Variants in PCTP observed in about 807,000 individuals in gnomAD.
The protein encoded by PCTP is phosphatidylcholine transfer protein.
A neutral mutation model predicts 31.0 loss-of-function variants in PCTP; 27 were observed. That is an observed-to-expected ratio of 0.87 (90% CI 0.64 to 1.20). PCTP has a LOEUF of 1.20. Ranked by LOEUF, PCTP falls within the 50% of genes most tolerant of loss-of-function variation. PCTP has a pLI of 0.00. For missense variants in PCTP, 287 were observed against 268.2 expected (o/e 1.07, Z -0.49); for synonymous variants, 108 against 101.2 (o/e 1.07, Z -0.40).
In PCTP at chr17:55,771,182, A is replaced by G. The variant is rs1234563494; in HGVS notation, c.336A>G (p.Arg112=). The change falls in exon 3 of 6, where the codon AGA becomes AGG. Residue 112 remains arginine (R), a synonymous_variant. Transcript: ENST00000268896. ...AGTACCCTTTTCCCATGTCCAACAG[A>G]GACGTATCCTTTCCACAAGGTACTC... The part of the protein sequence containing the change: ...EVKYPFPMSN[R]DYVYLRQRRD... 1.9e-6 allele frequency: 3 copies of G among 1,604,430 alleles called. No individual in the cohort carries two copies. In the African/African-American group the frequency reaches 4.0e-5, roughly 21 times the overall value.
At chr17:55,786,176 C>T (rs190354818) in intron 2 of PCTP, among the ~76,000 whole-genome samples, 190 of 143,002 alleles carry the variant, frequency 1.3e-3, no homozygotes, top group African/African-American at 5.1e-3. Context: ...CCCAGCTACT[C>T]GGGAGCTGAG....
At chr17:55,775,235 C>T (rs1311839132) in intron 5 of PCTP, 1 of 1,256,100 alleles carries the variant, frequency 8.0e-7, no homozygotes, top group African/African-American at 1.5e-5. Context: ...TGGAGACAAC[C>T]AGATGTGTCC....
intron 3 of PCTP, among the ~76,000 whole-genome samples, chr17:55,794,235 A>G (rs1912106654): frequency 6.6e-6 from 1 of 152,030 alleles, no homozygotes. Flanking sequence ...CATAAAGCCT[A>G]TCTATATACA....
the PCTP span, among the ~76,000 whole-genome samples, chr17:55,850,324 A>G: frequency 1.3e-5 from 2 of 152,182 alleles, no homozygotes; most frequent in Non-Finnish European, 2.9e-5. Flanking sequence ...TCGATTTTCA[A>G]AAGATTATAC....
At chr17:55,824,912 G>T (rs1439550972), downstream of PCTP, among the ~76,000 whole-genome samples, 1 of 152,058 alleles carries the variant, frequency 6.6e-6, no homozygotes, top group Non-Finnish European at 1.5e-5. Flanking sequence ...TTCTAATGGT[G>T]CCTTGAGAAA....
intron 5 of PCTP, among the ~76,000 whole-genome samples, chr17:55,835,169 A>G (rs12937803): frequency 0.13 from 19,063 of 152,178 alleles, 1,360 homozygotes; most frequent in East Asian, 0.35. Flanking sequence ...TAGAGACTTC[A>G]GAGGGAGCAT....
downstream of PCTP, among the ~76,000 whole-genome samples, chr17:55,844,955 C>T (rs1467003932): frequency 6.6e-6 from 1 of 151,412 alleles, no homozygotes; most frequent in Non-Finnish European, 1.5e-5. Context: ...GGCTTGGTGG[C>T]ACATACCTGT....
chr17:55,751,277 C>T, intron 1 of PCTP, 33 bp downstream of exon 1: 1 of 1,525,376 alleles, frequency 6.6e-7, no homozygotes, highest in East Asian at 2.5e-5. Context: ...ACCGCGGGGC[C>T]TAGAATGCGC....
intron 3 of PCTP, among the ~76,000 whole-genome samples, chr17:55,814,462 G>A (rs140843157): frequency 9.6e-4 from 146 of 152,350 alleles, no homozygotes; most frequent in Non-Finnish European, 1.6e-3. Context: ...TGCTCCTGGG[G>A]CCAGGCACCT....
At chr17:55,803,930 C>T (rs927172761) in intron 3 of PCTP, among the ~76,000 whole-genome samples, 7 of 150,200 alleles carry the variant, frequency 4.7e-5, no homozygotes, top group East Asian at 1.9e-4. Flanking sequence ...AACAGGCAAC[C>T]GACAGAATGG....
chr17:55,803,773 G>A (rs1912472596), intron 3 of PCTP, among the ~76,000 whole-genome samples: 1 of 151,920 alleles, frequency 6.6e-6, no homozygotes, highest in Admixed American at 6.6e-5. Flanking sequence ...GAATACCTAG[G>A]CAATATCATT....
downstream of PCTP, among the ~76,000 whole-genome samples, chr17:55,824,807 A>G (rs749328705): frequency 1.3e-5 from 2 of 152,214 alleles, no homozygotes; most frequent in Non-Finnish European, 2.9e-5. Flanking sequence ...CTTAGGATCC[A>G]TAGCCACAGA....
chr17:55,788,589 A>G (rs1347252408), intron 3 of PCTP, among the ~76,000 whole-genome samples: 1 of 152,234 alleles, frequency 6.6e-6, no homozygotes, highest in East Asian at 1.9e-4. Flanking sequence ...AATTATGTAT[A>G]GACTTATTAT....
intron 5 of PCTP, among the ~76,000 whole-genome samples, chr17:55,830,785 G>A (rs1905567728): frequency 6.6e-6 from 1 of 152,212 alleles, no homozygotes; most frequent in South Asian, 2.1e-4. Flanking sequence ...GGTTAGGGGA[G>A]ATGGAGGTTG....
rs138774803 is a variant in PCTP at position 55,809,419 on chromosome 17, A to G, written c.318-13342A>G. Among the ~76,000 whole-genome samples, 586 of 152,240 alleles carry G rather than the reference A, an allele frequency of 3.8e-3. 6 individuals are homozygous for G. Among genetic ancestry groups the G allele is most frequent in the African/African-American group, 0.013 (559 of 41,530 alleles). On this transcript the variant is annotated intron_variant, in intron 3 of 3. Coordinates refer to the PCTP transcript ENST00000572536. Reference sequence around the variant, plus strand: ...AGGGATGCTTAGAAAACTTTGTAACATATTGATATCTCAGCTAGTAAATTG... The same window carrying G: ...AGGGATGCTTAGAAAACTTTGTAACGTATTGATATCTCAGCTAGTAAATTG...
At chr17:55,781,128 C>T (rs989194762), downstream of PCTP, among the ~76,000 whole-genome samples, 1 of 152,174 alleles carries the variant, frequency 6.6e-6, no homozygotes, top group African/African-American at 2.4e-5. Flanking sequence ...CATCTATAGA[C>T]TTTGGATCTC....
At chr17:55,761,179 A>G (rs1037044703) in intron 1 of PCTP, among the ~76,000 whole-genome samples, 1 of 152,176 alleles carries the variant, frequency 6.6e-6, no homozygotes, top group African/African-American at 2.4e-5. Flanking sequence ...TAGAGATAAC[A>G]CCAACTTCCC....
chr17:55,782,212 A>C (rs1453886499), downstream of PCTP, among the ~76,000 whole-genome samples: 2 of 152,186 alleles, frequency 1.3e-5, no homozygotes, highest in Non-Finnish European at 2.9e-5. Flanking sequence ...AGCTGACTGG[A>C]TGAGAACCTC....
intron 3 of PCTP, among the ~76,000 whole-genome samples, chr17:55,818,991 C>T (rs1187315610): frequency 8.4e-6 from 1 of 118,432 alleles, no homozygotes; most frequent in Non-Finnish European, 1.6e-5. Flanking sequence ...TGGTGTCCTA[C>T]CAGGCTCTGG....
Sources: allele counts gnomAD v4.1 joint callset (sites outside exome capture counted in the v4.1 genomes callset), GRCh38; gene constraint gnomAD v4.1.1; transcripts MANE v1.5; gene names NCBI Gene and HGNC (gene_info 2026-07-23, HGNC 2026-07-21).